Variants in EFHC2 observed in about 807,000 individuals in gnomAD.
The protein encoded by EFHC2 is EF-hand domain-containing family member C2.
A neutral mutation model predicts 52.7 loss-of-function variants in EFHC2; 18 were observed. The observed-to-expected ratio is 0.34, with a 90% CI of 0.24 to 0.51. The LOEUF (loss-of-function observed/expected upper bound fraction) is 0.51. Ranked by LOEUF, EFHC2 falls within the 20% of genes least tolerant of loss-of-function variation. The probability of loss-of-function intolerance (pLI) is 0.97; values close to 1 mark genes in which losing one functional copy is unlikely to be tolerated. For missense variants in EFHC2, 513 were observed against 562.5 expected (o/e 0.91, Z 0.89); for synonymous variants, 203 against 204.1 (o/e 0.99, Z 0.04).
rs1415453270 is a variant in EFHC2, at chrX:44,312,671, A to G, written c.128T>C (p.Ile43Thr). The part of the protein sequence containing the change: ...MMLVSDEKPG[I>T]GGEPLLGQKI... ...TTGCCCCAGAAGTGGTTCTCCACCT[A>G]TTCCAGGCTTTTCATCACTCACCAA... Residue 43 changes from isoleucine (I) to threonine (T), a missense_variant, in exon 2 of 15, where the codon ATA becomes ACA. Coordinates refer to ENST00000420999, the MANE Select transcript of EFHC2 (RefSeq NM_025184.4). The G allele has an allele frequency of 1.7e-6, 2 of 1,210,371 alleles. No individual in the cohort carries two copies. The highest frequency in any genetic ancestry group is 1.1e-6 in the Non-Finnish European group (1 of 894,864).
At chrX:44,164,883 T>C (rs2147270339) in intron 13 of EFHC2, among the ~76,000 whole-genome samples, 1 of 112,157 alleles carries the variant, frequency 8.9e-6, no homozygotes, top group South Asian at 3.7e-4. Context: ...CACTATTTCC[T>C]AATTATGGAT....
chrX:44,156,855 C>T (rs1208706798), intron 14 of EFHC2, among the ~76,000 whole-genome samples: 1 of 112,209 alleles, frequency 8.9e-6, no homozygotes, highest in East Asian at 2.8e-4. Context: ...TGAGCAAACA[C>T]AATAGAATGG....
At chrX:44,322,185 GT>G (rs1444001442) in intron 1 of EFHC2, among the ~76,000 whole-genome samples, 1 of 110,992 alleles carries the variant, frequency 9.0e-6, no homozygotes, top group African/African-American at 3.3e-5. Context: ...ATCTCACAAG[GT>G]TCATTCTTGA....
chrX:44,329,652 C>T (rs138359543), intron 1 of EFHC2, among the ~76,000 whole-genome samples: 1,533 of 108,881 alleles, frequency 0.014, 12 homozygotes, highest in Middle Eastern at 0.033. Flanking sequence ...CCCCAGGATA[C>T]AGTACAGTAG....
chrX:44,148,959 C>G, intron 14 of EFHC2, 63 bp from the exon 15 acceptor site: 2 of 965,273 alleles, frequency 2.1e-6, no homozygotes, highest in Non-Finnish European at 2.9e-6. Flanking sequence ...TTTGAAAATT[C>G]AACACCAGTT....
At chrX:44,215,118 C>A (rs1046074093) in intron 11 of EFHC2, among the ~76,000 whole-genome samples, 1 of 111,307 alleles carries the variant, frequency 9.0e-6, no homozygotes, top group African/African-American at 3.3e-5. Flanking sequence ...TTCCTGCCAC[C>A]CTGTGAAGAA....
Position 44,250,259 on chromosome X carries a change from A to G in EFHC2, c.793T>C (p.Leu265=). ...LCDDTIEIKE[L]LPHSSGRDAL... ...TCTCGGCCTGAGCTGTGTGGAAGCA[A>G]TTCTTTGATTTCAATAGTATCATCA... The change falls in exon 5 of 15, where the codon TTG becomes CTG. Residue 265 remains leucine (L), a synonymous_variant. Transcript: ENST00000420999. 8.3e-7 allele frequency: 1 copy of G among 1,210,874 alleles called. No homozygotes were observed. Among genetic ancestry groups the G allele is most frequent in the Non-Finnish European group, 1.1e-6 (1 of 895,120 alleles).
At chrX:44,153,562 T>C (rs1427996672) in intron 14 of EFHC2, among the ~76,000 whole-genome samples, 5 of 111,604 alleles carry the variant, frequency 4.5e-5, no homozygotes, top group Non-Finnish European at 9.4e-5. Flanking sequence ...GGCTTACAAT[T>C]GACTAATGGA....
intron 4 of EFHC2, among the ~76,000 whole-genome samples, chrX:44,258,450 T>C (rs1244527857): frequency 9.9e-6 from 1 of 100,911 alleles, no homozygotes; most frequent in Non-Finnish European, 2.0e-5. Context: ...AAAAAAAAAA[T>C]CAAAAAGTGG....
intron 11 of EFHC2, among the ~76,000 whole-genome samples, chrX:44,218,759 C>T (rs1011665036): frequency 8.9e-6 from 1 of 112,270 alleles, no homozygotes; most frequent in African/African-American, 3.2e-5. Flanking sequence ...GATACAACCA[C>T]TTTGGTAAAA....
intron 1 of EFHC2, among the ~76,000 whole-genome samples, chrX:44,327,749 T>C (rs1038403483): frequency 3.0e-4 from 33 of 111,648 alleles, no homozygotes; most frequent in Non-Finnish European, 5.8e-4. Context: ...TCATTACTTA[T>C]TAATTAAGCT....
chrX:44,153,473 A>C (rs1297625436), intron 14 of EFHC2, among the ~76,000 whole-genome samples: 1 of 111,594 alleles, frequency 9.0e-6, no homozygotes, highest in Non-Finnish European at 1.9e-5. Flanking sequence ...AATACTTCAT[A>C]AATGCCACAA....
chrX:44,256,887 C>G (rs12009525), intron 4 of EFHC2, among the ~76,000 whole-genome samples: 46 of 110,574 alleles, frequency 4.2e-4, no homozygotes, highest in African/African-American at 1.4e-3. Context: ...AAGATTGATG[C>G]GAAAATCCTC....
intron 14 of EFHC2, among the ~76,000 whole-genome samples, chrX:44,158,900 C>G (rs928873858): frequency 8.9e-6 from 1 of 111,854 alleles, no homozygotes; most frequent in Non-Finnish European, 1.9e-5. Flanking sequence ...ACCCAGAATC[C>G]CCTTGAGGAG....
intron 1 of EFHC2, among the ~76,000 whole-genome samples, chrX:44,327,904 A>G (rs1433642564): frequency 8.9e-6 from 1 of 112,309 alleles, no homozygotes; most frequent in Non-Finnish European, 1.9e-5. Context: ...TCAACTCAAT[A>G]TAACAATAAG....
intron 11 of EFHC2, among the ~76,000 whole-genome samples, chrX:44,224,676 T>C (rs967023049): frequency 8.9e-6 from 1 of 112,598 alleles, no homozygotes; most frequent in Non-Finnish European, 1.9e-5. Context: ...ACTATGTTCA[T>C]TGAGGTCTGA....
At chrX:44,340,039 C>T (rs965894180) in intron 1 of EFHC2, among the ~76,000 whole-genome samples, 2 of 111,093 alleles carry the variant, frequency 1.8e-5, no homozygotes, top group Admixed American at 9.7e-5. Flanking sequence ...CACACATGCA[C>T]GCACACACTC....
intron 2 of EFHC2, among the ~76,000 whole-genome samples, chrX:44,304,564 G>A (rs766548679): frequency 3.6e-5 from 4 of 111,800 alleles, no homozygotes; most frequent in African/African-American, 1.3e-4. Context: ...AATAACTGGC[G>A]TGAGTGATGC....
At chrX:44,168,255 G>A (rs780252852) in intron 13 of EFHC2, among the ~76,000 whole-genome samples, 10 of 111,987 alleles carry the variant, frequency 8.9e-5, no homozygotes, top group African/African-American at 1.3e-4. Context: ...AGCGGTGTCC[G>A]GGCGTGGTGG....
Sources: gnomAD v4.1 joint callset for allele counts (sites outside exome capture counted in the v4.1 genomes callset) on GRCh38, gnomAD v4.1.1 for gene constraint, MANE v1.5 for transcripts, NCBI Gene and HGNC (gene_info 2026-07-23, HGNC 2026-07-21) for gene names.